The following PKHD1 variants were observed in gnomAD, a reference collection of about 807,000 sequenced individuals.
PKHD1 encodes PKHD1 ciliary IPT domain containing fibrocystin/polyductin.
PKHD1 carries 291 observed loss-of-function variants against 412.0 expected under a neutral mutation model. The ratio of observed to expected loss-of-function variants is 0.71; its 90% CI spans 0.64 to 0.78. PKHD1 has a LOEUF of 0.78. Among genes scored for constraint, PKHD1 ranks in the 30% least tolerant of loss-of-function variants. The pLI is 0.00. For synonymous variants in PKHD1, 1,777 were observed against 1,821.5 expected, an observed-to-expected ratio of 0.98 and a Z score of 0.62; for missense variants, 4,825 against 4,950.7, an observed-to-expected ratio of 0.97 and a Z score of 0.76.
chr6:51,714,238 C>G (rs926496060), intron 60 of PKHD1, among the ~76,000 whole-genome samples: 1 of 152,100 alleles, frequency 6.6e-6, no homozygotes, highest in Non-Finnish European at 1.5e-5. Flanking sequence ...GGTGTGGTGG[C>G]ACACGCCAGT....
At chr6:51,964,539 T>C (rs1323069673) in intron 35 of PKHD1, among the ~76,000 whole-genome samples, 1 of 152,120 alleles carries the variant, frequency 6.6e-6, no homozygotes, top group Non-Finnish European at 1.5e-5. Flanking sequence ...CAACCCCTAA[T>C]AGAATGTAAG....
At chr6:51,660,695 A>G (rs1389993168) in intron 60 of PKHD1, among the ~76,000 whole-genome samples, 1 of 152,162 alleles carries the variant, frequency 6.6e-6, no homozygotes, top group Non-Finnish European at 1.5e-5. Context: ...GCAGATGAAC[A>G]GACAGATGGA....
chr6:51,901,553 G>C (rs550717096), intron 43 of PKHD1, among the ~76,000 whole-genome samples: 1 of 152,162 alleles, frequency 6.6e-6, no homozygotes, highest in Admixed American at 6.5e-5. Context: ...ATAGCACTGG[G>C]AGATATACCT....
chr6:51,904,874 T>C (rs1339436440), intron 41 of PKHD1, among the ~76,000 whole-genome samples: 2 of 152,202 alleles, frequency 1.3e-5, no homozygotes, highest in African/African-American at 4.8e-5. Context: ...CGGACAAACA[T>C]AGGAACAAAC....
intron 52 of PKHD1, among the ~76,000 whole-genome samples, chr6:51,809,569 A>C (rs1764367418): frequency 6.6e-6 from 1 of 152,058 alleles, no homozygotes; most frequent in Non-Finnish European, 1.5e-5. Context: ...ATCTAAATGC[A>C]ATTTTAACTA....
At chr6:51,688,776 T>A (rs2150609387) in intron 60 of PKHD1, among the ~76,000 whole-genome samples, 1 of 152,190 alleles carries the variant, frequency 6.6e-6, no homozygotes, top group South Asian at 2.1e-4. Flanking sequence ...CCTGGACACA[T>A]ACACCCTCCC....
At position 51,870,622 on chromosome 6, in the gene PKHD1, T is replaced by C; in HGVS notation, c.7368A>G (p.Ser2456=). ...HFAHKGSLCM[S]SGIKTPKRWE... ...ATCTTTTAGGAGTTTTAATCCCAGA[T>C]GACATACACAGACTTCCCTGTGATT... The change falls in exon 47 of 67, where the codon TCA becomes TCG. Residue 2456 remains serine (S), a synonymous_variant. Transcript: ENST00000371117. 1 of 1,610,394 alleles carries C rather than the reference T, an allele frequency of 6.2e-7. No individual in the cohort carries two copies. The highest frequency in any genetic ancestry group is 8.5e-7 in the Non-Finnish European group (1 of 1,176,756).
chr6:51,831,024 C>A, intron 51 of PKHD1, 35 bp from the exon 52 acceptor site: 1 of 1,562,484 alleles, frequency 6.4e-7, no homozygotes, highest in East Asian at 2.3e-5. Flanking sequence ...AAATCTAATC[C>A]ATTGTGATAA....
intron 55 of PKHD1, among the ~76,000 whole-genome samples, chr6:51,756,523 T>C (rs541953988): frequency 6.6e-6 from 1 of 152,290 alleles, no homozygotes; most frequent in South Asian, 2.1e-4. Flanking sequence ...ATCCATACAA[T>C]GGAATACTGT....
At chr6:51,650,190 T>C (rs953825825) in intron 61 of PKHD1, among the ~76,000 whole-genome samples, 30 of 152,336 alleles carry the variant, frequency 2.0e-4, no homozygotes, top group Non-Finnish European at 3.8e-4. Context: ...AGAAAATAGT[T>C]ACATAATTCA....
chr6:51,693,457 CTGGGACCT>C (rs1778415839), intron 60 of PKHD1, among the ~76,000 whole-genome samples: 1 of 152,206 alleles, frequency 6.6e-6, no homozygotes, highest in South Asian at 2.1e-4. Flanking sequence ...GACCATGTGC[CTGGGACCT>C]TGTGAAGTGG....
chr6:52,031,696 G>A (rs1361537581), intron 29 of PKHD1, among the ~76,000 whole-genome samples: 2 of 152,002 alleles, frequency 1.3e-5, no homozygotes, highest in Admixed American at 6.6e-5. Context: ...TCAGCCTCAC[G>A]GTCATCATCA....
chr6:51,633,276 G>A (rs553821855), intron 64 of PKHD1, among the ~76,000 whole-genome samples: 1 of 152,234 alleles, frequency 6.6e-6, no homozygotes, highest in East Asian at 1.9e-4. Context: ...TGTTGAGAGA[G>A]TTCAACTCTG....
At chr6:51,823,414 T>C (rs575051568) in intron 52 of PKHD1, among the ~76,000 whole-genome samples, 1 of 152,182 alleles carries the variant, frequency 6.6e-6, no homozygotes, top group Admixed American at 6.5e-5. Flanking sequence ...ACCATGACAA[T>C]GAGTGTGTTT....
rs762141828 is a variant in PKHD1, at chr6:51,887,333, A to C, written c.6997-88T>G. ...AAGACTCTTGTTTGTACTCATCCCA[A>C]TTTTATATTCACTTTCTGCCAAAGT... On this transcript the variant is annotated intron_variant, in intron 43 of 66. Coordinates refer to ENST00000371117, the MANE Select transcript of PKHD1 (RefSeq NM_138694.4). 2.3e-5 allele frequency: 19 copies of C among 812,788 alleles called. No individual in the cohort carries two copies. The Admixed American group carries it at 2.6e-4, about 11-fold the overall frequency. 50.3% of individuals were successfully genotyped at this position (812,788 alleles called of 1,614,324 possible).
Position 52,050,247 on chromosome 6 carries a change from T to C in PKHD1, c.2189A>G (p.Glu730Gly). ...AGGGGATCCCACCACAGAGACTGATTCCACCAGATTGCCCCCTGGGCGAGC... is the reference window on the plus strand; with the variant it reads ...AGGGGATCCCACCACAGAGACTGATCCCACCAGATTGCCCCCTGGGCGAGC... ...GTARPGGNLV[E>G]SVSVVGSPPV... Residue 730 changes from glutamate to glycine, a missense_variant, in exon 22 of 67, where the codon GAA (glutamate) becomes GGA (glycine). By Grantham distance (98) the Glu-to-Gly change is moderately conservative. Coordinates refer to ENST00000371117, the MANE Select transcript of PKHD1 (RefSeq NM_138694.4). The C allele has an allele frequency of 5.6e-6, 9 of 1,614,138 alleles. No homozygotes were observed. Among genetic ancestry groups the C allele is most frequent in the Non-Finnish European group, 7.6e-6 (9 of 1,179,994 alleles).
In PKHD1 at chr6:51,638,000, C is replaced by T. The variant is rs533990566; in HGVS notation, c.11506+849G>A. On this transcript the variant is annotated intron_variant, in intron 64 of 66. Transcript: ENST00000371117. ...CATACTGGAACATTTTCAAAAGGCC[C>T]GTTGAAAGTTTATTAAGTTCTCTCA... 5.3e-5 allele frequency among the ~76,000 whole-genome samples: 8 copies of T among 152,186 alleles called. No homozygotes were observed. The South Asian group carries it at 1.7e-3, about 32-fold the overall frequency.
At chr6:51,714,796 C>A (rs1456373770) in intron 60 of PKHD1, among the ~76,000 whole-genome samples, 1 of 151,880 alleles carries the variant, frequency 6.6e-6, no homozygotes, top group Non-Finnish European at 1.5e-5. Flanking sequence ...TTTTTTTGTT[C>A]CCAGATCTTC....
chr6:51,911,663 C>A (rs890970594), intron 39 of PKHD1, 136 bp downstream of exon 39: 5 of 756,206 alleles, frequency 6.6e-6, no homozygotes, highest in African/African-American at 5.2e-5. Flanking sequence ...CTGAAAACTA[C>A]AGAAAAGTAT....
Sources: allele counts gnomAD v4.1 joint callset (sites outside exome capture counted in the v4.1 genomes callset), GRCh38; gene constraint gnomAD v4.1.1; transcripts MANE v1.5; gene names NCBI Gene and HGNC (gene_info 2026-07-23, HGNC 2026-07-21).